PCBP3: variants seen among roughly 807,000 people sequenced by gnomAD.
The protein encoded by PCBP3 is poly(rC) binding protein 3.
In PCBP3, 25 loss-of-function variants were observed where a neutral mutation model predicts 52.7. That is an observed-to-expected ratio of 0.47 (90% CI 0.35 to 0.66). The LOEUF (loss-of-function observed/expected upper bound fraction) is 0.66. Among genes scored for constraint, PCBP3 ranks in the 30% least tolerant of loss-of-function variants. The probability of loss-of-function intolerance (pLI) is 0.01; values close to 1 mark genes in which losing one functional copy is unlikely to be tolerated. For missense variants in PCBP3, 391 were observed against 490.3 expected, an observed-to-expected ratio of 0.80 and a Z score of 1.91; for synonymous variants, 162 against 183.0, an observed-to-expected ratio of 0.89 and a Z score of 0.93.
At chr21:45,676,330 C>CA (rs1569105276) in intron 2 of PCBP3, among the ~76,000 whole-genome samples, 3 of 151,920 alleles carry the variant, frequency 2.0e-5, no homozygotes, top group Admixed American at 6.6e-5. Flanking sequence ...GACAGCCTTC[C>CA]AATATAGGCA....
At chr21:45,797,738 T>C (rs1281735406) in intron 4 of PCBP3, among the ~76,000 whole-genome samples, 22 of 77,072 alleles carry the variant, frequency 2.9e-4, no homozygotes, top group East Asian at 1.1e-3. Flanking sequence ...GACGAGTGCG[T>C]GGATCCATAG....
intron 2 of PCBP3, chr21:45,732,797 G>C (rs1040237629): frequency 1.3e-5 from 2 of 152,250 alleles, no homozygotes; most frequent in African/African-American, 4.8e-5. Flanking sequence ...CTGGACTACA[G>C]GTGTGTGCCA....
chr21:45,734,316 C>T (rs891710433), intron 2 of PCBP3, among the ~76,000 whole-genome samples: 2 of 152,148 alleles, frequency 1.3e-5, no homozygotes, highest in East Asian at 1.9e-4. Flanking sequence ...GTTCTTCCCC[C>T]GACCTCCTGT....
chr21:45,892,427 T>C (rs900433970), intron 5 of PCBP3, among the ~76,000 whole-genome samples: 51 of 141,770 alleles, frequency 3.6e-4, no homozygotes, highest in Non-Finnish European at 7.1e-4. Flanking sequence ...AAAGGGGAGC[T>C]GCAAGTGCAC....
chr21:45,908,723 G>A (rs1241724748), intron 9 of PCBP3, among the ~76,000 whole-genome samples: 2 of 152,196 alleles, frequency 1.3e-5, no homozygotes, highest in East Asian at 3.9e-4. Flanking sequence ...GCGGCTGACA[G>A]AAGCCCTGTC....
intron 13 of PCBP3, among the ~76,000 whole-genome samples, chr21:45,921,798 G>C (rs560217622): frequency 7.3e-6 from 1 of 137,628 alleles, no homozygotes; most frequent in Non-Finnish European, 1.5e-5. Flanking sequence ...CAGCCTGGGC[G>C]ACAGAACGAG....
chr21:45,780,481 A>G (rs762784528), intron 4 of PCBP3, among the ~76,000 whole-genome samples: 2 of 152,224 alleles, frequency 1.3e-5, no homozygotes, highest in Admixed American at 6.5e-5. Flanking sequence ...ACCTGGTCCA[A>G]CCTGTGACGA....
rs749049310 is a variant in PCBP3, at chr21:45,880,470, G to A, written c.11-15738G>A. 1.3e-5 allele frequency among the ~76,000 whole-genome samples: 2 copies of A among 152,228 alleles called. No homozygotes were observed. Among genetic ancestry groups the A allele is most frequent in the Non-Finnish European group, 2.9e-5 (2 of 68,040 alleles). On this transcript the variant is annotated intron_variant, in intron 5 of 17. Coordinates refer to ENST00000681687, the MANE Select transcript of PCBP3 (RefSeq NM_001384156.1). The surrounding 1 kb of genome is among the most constrained non-coding windows in gnomAD (Gnocchi z 5.4). ...GTGGTGTGGGAGAAAATAGGATTAC[G>A]GTGCTTCTGAGTATTGAGTTTAGAA...
intron 16 of PCBP3, among the ~76,000 whole-genome samples, chr21:45,937,365 T>C (rs1307902574): frequency 1.3e-5 from 2 of 152,190 alleles, no homozygotes; most frequent in Admixed American, 6.5e-5. Context: ...CTCTTGGTCA[T>C]GCAGGCACTG....
intron 4 of PCBP3, among the ~76,000 whole-genome samples, chr21:45,811,605 G>A (rs1442098595): frequency 6.6e-6 from 1 of 152,126 alleles, no homozygotes; most frequent in Non-Finnish European, 1.5e-5. Flanking sequence ...CTTTTTTATT[G>A]TGAAACATTT....
rs951292603 is a variant in PCBP3, at chr21:45,928,046, C to T, written c.718-1871C>T. 2.0e-5 allele frequency among the ~76,000 whole-genome samples: 3 copies of T among 152,240 alleles called. No homozygotes were observed. Among genetic ancestry groups the T allele is most frequent in the African/African-American group, 7.2e-5 (3 of 41,474 alleles). ...CGTGGGCGATCTTGCCTGCAGCTCTCCTACCCGGCCTGGGACACTTGCGGT... is the reference window on the plus strand; with the variant it reads ...CGTGGGCGATCTTGCCTGCAGCTCTTCTACCCGGCCTGGGACACTTGCGGT... On this transcript the variant is annotated intron_variant, in intron 13 of 17. Transcript: ENST00000681687. This position sits in a 1 kb window ranked among gnomAD's most constrained non-coding sequence, Gnocchi z 4.1.
At chr21:45,850,205 A>G in intron 5 of PCBP3, 110 bp downstream of exon 5, 1 of 885,746 alleles carries the variant, frequency 1.1e-6, no homozygotes, top group Middle Eastern at 2.1e-4. Flanking sequence ...ACAGTGCTGT[A>G]TTTCACCCTG....
chr21:45,655,323 A>G (rs1487989938), intron 1 of PCBP3, among the ~76,000 whole-genome samples: 1 of 152,050 alleles, frequency 6.6e-6, no homozygotes, highest in African/African-American at 2.4e-5. Flanking sequence ...ACAATTTGGC[A>G]ATGTAAAATT....
At chr21:45,847,103 T>C (rs1037340650) in intron 4 of PCBP3, among the ~76,000 whole-genome samples, 3 of 152,104 alleles carry the variant, frequency 2.0e-5, no homozygotes, top group Non-Finnish European at 4.4e-5. Context: ...TGTCTTTGCT[T>C]TTTTTTTCTG....
At chr21:45,713,065 A>C (rs1396711777) in intron 2 of PCBP3, among the ~76,000 whole-genome samples, 2 of 152,084 alleles carry the variant, frequency 1.3e-5, no homozygotes, top group African/African-American at 4.8e-5. Flanking sequence ...CTGAACTATT[A>C]ATGCCTTTGC....
intron 2 of PCBP3, among the ~76,000 whole-genome samples, chr21:45,678,004 T>G (rs1345871666): frequency 6.6e-6 from 1 of 152,146 alleles, no homozygotes; most frequent in Non-Finnish European, 1.5e-5. Context: ...CTGCAAGCCA[T>G]GGGTCAAGGA....
At chr21:45,759,793 A>G (rs1181317453) in intron 4 of PCBP3, 1 of 152,254 alleles carries the variant, frequency 6.6e-6, no homozygotes, top group Non-Finnish European at 1.5e-5. Context: ...AAACTCTAAC[A>G]AATACCAGCC....
chr21:45,776,430 GTC>G (rs576250554), intron 4 of PCBP3, among the ~76,000 whole-genome samples: 4 of 151,368 alleles, frequency 2.6e-5, no homozygotes, highest in African/African-American at 9.7e-5. Context: ...TTGTACTTGA[GTC>G]TCTCTCTCTC....
intron 5 of PCBP3, among the ~76,000 whole-genome samples, chr21:45,869,958 A>G (rs77283134): frequency 6.6e-6 from 1 of 152,138 alleles, no homozygotes; most frequent in Non-Finnish European, 1.5e-5. Flanking sequence ...TTTTAGTCGG[A>G]TTTTTTTAGC....
Sources: gnomAD v4.1 joint callset for allele counts (sites outside exome capture counted in the v4.1 genomes callset) on GRCh38, gnomAD v4.1.1 for gene constraint, Gnocchi (gnomAD v3.1) non-coding constraint, MANE v1.5 for transcripts, NCBI Gene and HGNC (gene_info 2026-07-23, HGNC 2026-07-21) for gene names.